The following CRLS1 variants were observed in gnomAD, a reference collection of about 807,000 sequenced individuals.
CRLS1 encodes cardiolipin synthase 1.
In CRLS1, 24 loss-of-function variants were observed where a neutral mutation model predicts 37.0. The observed-to-expected ratio is 0.65, with a 90% CI of 0.47 to 0.91. The LOEUF is 0.91. CRLS1 is among the 40% of genes least tolerant of loss of function. The pLI is 0.00. For synonymous variants in CRLS1, 135 were observed against 159.7 expected (o/e 0.85, Z 1.17); for missense variants, 373 against 395.8 (o/e 0.94, Z 0.49).
Position 6,037,488 on chromosome 20 carries a change from A to T in CRLS1, c.*330A>T, listed in dbSNP as rs1225829641. The T allele has an allele frequency of 1.2e-5, 2 of 170,756 alleles. No homozygotes were observed. Among genetic ancestry groups the T allele is most frequent in the African/African-American group, 4.8e-5 (2 of 42,090 alleles). The allele number at this position is 170,756 out of a possible 1,614,324, so 10.6% of individuals were successfully genotyped here. ...ATAGTCCAGAGCATGGGCAGAATTG[A>T]CACCTCTCTTTTAAGTGAAATTTGG... On this transcript the variant is annotated 3_prime_UTR_variant, in exon 7 of 7. Coordinates refer to ENST00000378863, the MANE Select transcript of CRLS1 (RefSeq NM_019095.6).
Position 6,038,855 on chromosome 20 carries a change from T to C in CRLS1, c.*1697T>C, listed in dbSNP as rs1420471470. ...CCCATATCTTTTTATTATTAAGGTC[T>C]CAATCTGGCTCTGGTTAATAAACGT... On this transcript the variant is annotated 3_prime_UTR_variant, in exon 7 of 7. Coordinates refer to ENST00000378863, the MANE Select transcript of CRLS1 (RefSeq NM_019095.6). 1 of 152,240 alleles carries C rather than the reference T, an allele frequency of 6.6e-6. No individual in the cohort carries two copies. The highest frequency in any genetic ancestry group is 6.5e-5 in the Admixed American group (1 of 15,284). The allele number at this position is 152,240 out of a possible 1,614,324, so 9.4% of individuals were successfully genotyped here.
intron 3 of CRLS1, chr20:6,028,320 A>G (rs984032657): frequency 2.0e-5 from 3 of 152,170 alleles, no homozygotes; most frequent in Admixed American, 6.5e-5. Context: ...TAGAGAGTGG[A>G]AGGCAAATCC....
intron 3 of CRLS1, among the ~76,000 whole-genome samples, chr20:6,016,272 CT>C (rs1568619852): frequency 2.6e-5 from 4 of 152,178 alleles, no homozygotes; most frequent in African/African-American, 9.7e-5. Context: ...ATTATTGACA[CT>C]TGGTAGAAAG....
At chr20:6,005,980 C>T (rs2090047854), upstream of CRLS1, 2 of 312,672 alleles carry the variant, frequency 6.4e-6, no homozygotes, top group Non-Finnish European at 5.8e-6. Flanking sequence ...CCAAAACCCA[C>T]TGAGCCTGAT....
chr20:6,021,470 C>T (rs1836221601), intron 3 of CRLS1, among the ~76,000 whole-genome samples: 1 of 152,150 alleles, frequency 6.6e-6, no homozygotes, highest in South Asian at 2.1e-4. Context: ...CCCTCTATAG[C>T]TGTAGTAATG....
chr20:6,034,402 G>C, intron 5 of CRLS1, 62 bp from the exon 6 acceptor site: 1 of 1,186,390 alleles, frequency 8.4e-7, no homozygotes, highest in South Asian at 1.3e-5. Flanking sequence ...CTTTTGTCTT[G>C]AAAGCTTGAA....
intron 3 of CRLS1, among the ~76,000 whole-genome samples, chr20:6,022,406 T>G (rs1432082397): frequency 6.8e-6 from 1 of 147,896 alleles, no homozygotes; most frequent in Non-Finnish European, 1.5e-5. Context: ...TGGTGTGATC[T>G]CGGCTCACTG....
At chr20:6,035,857 T>G (rs546561689) in intron 6 of CRLS1, among the ~76,000 whole-genome samples, 2 of 152,048 alleles carry the variant, frequency 1.3e-5, no homozygotes, top group South Asian at 4.2e-4. Context: ...CAGGCTGGAG[T>G]GCAATGGCCT....
chr20:6,037,821 C>T lies in CRLS1; in HGVS notation c.*663C>T, dbSNP rs905211190. 6.6e-6 allele frequency: 1 copy of T among 152,136 alleles called. No individual in the cohort carries two copies. Among genetic ancestry groups the T allele is most frequent in the African/African-American group, 2.4e-5 (1 of 41,402 alleles). 9.4% of individuals were successfully genotyped at this position (152,136 alleles called of 1,614,324 possible). A position where few individuals can be genotyped will look rare whatever the true frequency, so the allele number is the denominator to read the frequency against. ...GAGGATAACAGGTAACAAAGATAGT[C>T]GAGATAGGAGAACGTGTCTATTAGT... is the stretch of plus-strand genomic sequence containing the variant. On this transcript the variant is annotated 3_prime_UTR_variant, in exon 7 of 7. Transcript: ENST00000378863.
chr20:6,020,238 T>C (rs1012719763), intron 3 of CRLS1, among the ~76,000 whole-genome samples: 3 of 152,210 alleles, frequency 2.0e-5, no homozygotes, highest in African/African-American at 7.2e-5. Flanking sequence ...GCTTTTCTTT[T>C]CTAAAGATTG....
chr20:6,006,602 C>T, intron 1 of CRLS1, 50 bp downstream of exon 1: 1 of 1,243,582 alleles, frequency 8.0e-7, no homozygotes, highest in South Asian at 3.4e-5. Context: ...GGGGTCGCCG[C>T]CCCTGCACTC....
At chr20:6,017,732 C>T (rs1463761595) in intron 3 of CRLS1, among the ~76,000 whole-genome samples, 1 of 152,166 alleles carries the variant, frequency 6.6e-6, no homozygotes, top group African/African-American at 2.4e-5. Flanking sequence ...TTGCAATGAA[C>T]TTATGATCTG....
At chr20:6,006,955 C>T (rs532505065) in intron 1 of CRLS1, 435 of 433,960 alleles carry the variant, frequency 1.0e-3, no homozygotes, top group Admixed American at 2.4e-3. Flanking sequence ...TTTGCTTGTG[C>T]AAGTTCCGTT....
At chr20:6,008,252 G>C (rs1480871102) in intron 1 of CRLS1, among the ~76,000 whole-genome samples, 4 of 152,126 alleles carry the variant, frequency 2.6e-5, no homozygotes, top group African/African-American at 4.8e-5. Flanking sequence ...GAGGTTAAAA[G>C]GGGTTCTAGA....
intron 3 of CRLS1, among the ~76,000 whole-genome samples, chr20:6,020,835 T>C (rs1979209632): frequency 6.6e-6 from 1 of 150,732 alleles, no homozygotes; most frequent in Non-Finnish European, 1.5e-5. Flanking sequence ...GGTTTCACTG[T>C]GTTAGCCAGG....
Position 6,011,572 on chromosome 20 carries a change from CTTTTTTT to C in CRLS1, c.444+1688_444+1694del, listed in dbSNP as rs559511975. Among the ~76,000 whole-genome samples, 135 of 27,842 alleles carry C rather than the reference CTTTTTTT, an allele frequency of 4.8e-3. 1 individual carries two copies. The highest frequency in any genetic ancestry group is 0.014 in the South Asian group (4 of 286). 18.3% of individuals were successfully genotyped at this position (27,842 alleles called of 152,430 possible). A position where few individuals can be genotyped will look rare whatever the true frequency, so the allele number is the denominator to read the frequency against. The stretch of plus-strand genomic sequence containing the variant: ...TCTTTCTCCTTTTCTTTTGTCCCTG[CTTTTTTT>C]TTTTTTTTTTTTTTTTTTTTTTTTT... On this transcript the variant is annotated intron_variant, in intron 2 of 6. Transcript: ENST00000378863.
At chr20:6,010,467 C>G (rs1356465711) in intron 2 of CRLS1, among the ~76,000 whole-genome samples, 4 of 152,214 alleles carry the variant, frequency 2.6e-5, no homozygotes. Context: ...CTACACCCCT[C>G]TGACTGCCCT....
intron 3 of CRLS1, among the ~76,000 whole-genome samples, chr20:6,019,572 G>C (rs6139892): frequency 0.76 from 108,417 of 143,300 alleles, 41,135 homozygotes; most frequent in African/African-American, 0.92. Context: ...TGAATCTTTT[G>C]AAAGAATCAG....
intron 6 of CRLS1, 23 bp downstream of exon 6, chr20:6,034,578 C>T: frequency 2.0e-6 from 3 of 1,496,976 alleles, no homozygotes; most frequent in Non-Finnish European, 2.8e-6. Flanking sequence ...TAGAATCACT[C>T]TCTTAGAATG....
Sources: allele counts gnomAD v4.1 joint callset (sites outside exome capture counted in the v4.1 genomes callset), GRCh38; gene constraint gnomAD v4.1.1; transcripts MANE v1.5; gene names NCBI Gene and HGNC (gene_info 2026-07-23, HGNC 2026-07-21).